Variants in ZNF317 observed in about 807,000 individuals in gnomAD.
ZNF317 encodes zinc finger protein 317.
A neutral mutation model predicts 23.4 loss-of-function variants in ZNF317; 17 were observed. That is an observed-to-expected ratio of 0.73 (90% CI 0.50 to 1.09). The LOEUF (loss-of-function observed/expected upper bound fraction) is 1.09. Ranked by LOEUF, ZNF317 falls within the 50% of genes least tolerant of loss-of-function variation. ZNF317 has a pLI of 0.00. For synonymous variants in ZNF317, 317 were observed against 314.9 expected (o/e 1.01, Z -0.07); for missense variants, 679 against 796.7 (o/e 0.85, Z 1.78).
At chr19:9,141,807 T>G (rs2050632624) in intron 1 of ZNF317, among the ~76,000 whole-genome samples, 1 of 152,158 alleles carries the variant, frequency 6.6e-6, no homozygotes, top group Non-Finnish European at 1.5e-5. Flanking sequence ...TTGTTGTTGT[T>G]GTTGTTTTTT....
At chr19:9,140,651 A>T (rs919921610) in intron 1 of ZNF317, 59 bp downstream of exon 1, 1 of 449,796 alleles carries the variant, frequency 2.2e-6, no homozygotes, top group South Asian at 1.6e-5. Flanking sequence ...CGGGAGGCCT[A>T]TCTGGCGGTG....
intron 1 of ZNF317, among the ~76,000 whole-genome samples, chr19:9,147,341 T>TTTTTTTTTTG (rs2050693679): frequency 9.6e-6 from 1 of 103,790 alleles, no homozygotes; most frequent in African/African-American, 3.5e-5. Context: ...TTTTTTTTTT[T>TTTTTTTTTTG]TTTTTTTTTT....
intron 1 of ZNF317, among the ~76,000 whole-genome samples, chr19:9,142,244 T>C (rs2050638782): frequency 6.6e-6 from 1 of 152,204 alleles, no homozygotes; most frequent in Non-Finnish European, 1.5e-5. Context: ...ACAAGGAAAA[T>C]GTGTACAATT....
Position 9,161,076 on chromosome 19 carries a change from C to A in ZNF317, c.1431C>A (p.Ala477=). 6.2e-7 allele frequency: 1 copy of A among 1,614,174 alleles called. No individual in the cohort carries two copies. Among genetic ancestry groups the A allele is most frequent in the Non-Finnish European group, 8.5e-7 (1 of 1,180,038 alleles). Residue 477 remains alanine (A), a synonymous_variant, in exon 7 of 7, where the codon GCC becomes GCA. Coordinates refer to ENST00000247956, the MANE Select transcript of ZNF317 (RefSeq NM_020933.5). The surrounding 1 kb of genome is among the most constrained non-coding windows in gnomAD (Gnocchi z 4.0). ...IHTQERRYEC[A]ACGKVFGDYL... is the part of the protein sequence containing the mutation. ...CGCAAGAGAGACGCTACGAATGCGC[C>A]GCCTGCGGGAAAGTCTTCGGTGACT... is the stretch of plus-strand genomic sequence containing the variant.
intron 1 of ZNF317, among the ~76,000 whole-genome samples, chr19:9,155,492 G>A (rs761757595): frequency 9.2e-5 from 14 of 152,294 alleles, no homozygotes; most frequent in Middle Eastern, 3.4e-3. Context: ...CCAGGCCATG[G>A]CCCAAGGGTG....
intron 1 of ZNF317, among the ~76,000 whole-genome samples, chr19:9,147,845 C>G (rs543023847): frequency 5.3e-5 from 8 of 152,144 alleles, no homozygotes; most frequent in Non-Finnish European, 1.2e-4. Flanking sequence ...TCCCCCCCTC[C>G]AAATCTCATA....
At chr19:9,142,486 C>T (rs1440409502) in intron 1 of ZNF317, among the ~76,000 whole-genome samples, 1 of 150,084 alleles carries the variant, frequency 6.7e-6, no homozygotes, top group Non-Finnish European at 1.5e-5. Context: ...GTCAAGGAAG[C>T]TCCCCTCTTT....
chr19:9,161,444 T>C lies in ZNF317; in HGVS notation c.*11T>C. 1 of 1,601,216 alleles carries C rather than the reference T, an allele frequency of 6.2e-7. No homozygotes were observed. The highest frequency in any genetic ancestry group is 1.7e-5 in the Admixed American group (1 of 59,378). On this transcript the variant is annotated 3_prime_UTR_variant, in exon 7 of 7. Transcript: ENST00000247956. The surrounding 1 kb of genome is among the most constrained non-coding windows in gnomAD (Gnocchi z 4.0). ...AAAAGGCTCCAGTGAGCGCGCCTGC[T>C]TTAGAGACACAGGATGATTCAGACC...
chr19:9,157,442 TTTTG>T (rs763197634), intron 4 of ZNF317, 48 bp downstream of exon 4: 10 of 1,609,820 alleles, frequency 6.2e-6, no homozygotes, highest in Admixed American at 1.7e-5. Flanking sequence ...AATTAGATGT[TTTTG>T]TTTGAGTATG....
chr19:9,155,222 G>A (rs1469134616), intron 1 of ZNF317, among the ~76,000 whole-genome samples: 1 of 152,058 alleles, frequency 6.6e-6, no homozygotes, highest in Non-Finnish European at 1.5e-5. Flanking sequence ...TTTAGAGACA[G>A]AATCTTACTC....
chr19:9,156,042 G>GT lies in ZNF317; in HGVS notation c.25+2dup, dbSNP rs1457968935. The GT allele has an allele frequency of 1.2e-6, 2 of 1,614,170 alleles. No homozygotes were observed. Among genetic ancestry groups the GT allele is most frequent in the African/African-American group, 1.3e-5 (1 of 75,038 alleles). On this transcript the variant is annotated splice_donor_variant, in intron 2 of 6. Coordinates refer to ENST00000247956, the MANE Select transcript of ZNF317 (RefSeq NM_020933.5). LOFTEE classifies it high-confidence loss of function. Reference sequence around the variant, plus strand: ...ATGGCAGCTCTGTCCCCCACATTTGGTAAGTTCTTGGGTCAGTGCGTGCCC... The same window carrying GT: ...ATGGCAGCTCTGTCCCCCACATTTGGTTAAGTTCTTGGGTCAGTGCGTGCCC...
chr19:9,157,929 G>A (rs1600229737), intron 4 of ZNF317, 51 bp from the exon 5 acceptor site: 1 of 1,539,074 alleles, frequency 6.5e-7, no homozygotes, highest in Non-Finnish European at 8.8e-7. Context: ...ACTGGAAGGG[G>A]TTGTCCTCTG....
Position 9,156,703 on chromosome 19 carries a change from C to T in ZNF317, c.117C>T (p.Phe39=), listed in dbSNP as rs764875500. The T allele has an allele frequency of 4.2e-5, 68 of 1,614,042 alleles. No individual in the cohort carries two copies. The highest frequency in any genetic ancestry group is 3.8e-4 in the Admixed American group (23 of 59,980). The change falls in exon 3 of 7, where the codon TTC becomes TTT. Residue 39 remains phenylalanine, a synonymous_variant. Transcript: ENST00000247956. ...DHSCPQNLDL[F]VCSGLEPHTP... The stretch of plus-strand genomic sequence containing the variant: ...CCTGTCCCCAGAATTTGGACCTGTT[C>T]GTGTGCAGTGGTCTGGAGCCTCACA...
intron 1 of ZNF317, among the ~76,000 whole-genome samples, chr19:9,147,194 G>A (rs900205975): frequency 4.6e-5 from 7 of 152,122 alleles, no homozygotes; most frequent in African/African-American, 1.7e-4. Context: ...AGTAAGATGT[G>A]TAGAAATAGA....
chr19:9,161,588 G>A lies in ZNF317; in HGVS notation c.*155G>A, dbSNP rs200606986. 4.9e-5 allele frequency: 56 copies of A among 1,144,302 alleles called. No individual in the cohort carries two copies. The highest frequency in any genetic ancestry group is 3.9e-4 in the East Asian group (16 of 41,520). 70.9% of individuals were successfully genotyped at this position (1,144,302 alleles called of 1,614,324 possible). ...CCTGTAAAAACTGGGAAGACGAGGC[G>A]TTCTCATCCCATAGGAGGTTTGTGA... On this transcript the variant is annotated 3_prime_UTR_variant, in exon 7 of 7. Coordinates refer to ENST00000247956, the MANE Select transcript of ZNF317 (RefSeq NM_020933.5). This position sits in a 1 kb window ranked among gnomAD's most constrained non-coding sequence, Gnocchi z 4.0.
At chr19:9,150,812 A>G (rs2050729792) in intron 1 of ZNF317, among the ~76,000 whole-genome samples, 1 of 152,224 alleles carries the variant, frequency 6.6e-6, no homozygotes, top group Non-Finnish European at 1.5e-5. Context: ...GGGACAGTAC[A>G]GGTGACATAG....
intron 1 of ZNF317, among the ~76,000 whole-genome samples, chr19:9,150,563 G>C (rs753229820): frequency 3.3e-5 from 5 of 152,128 alleles, no homozygotes; most frequent in Admixed American, 6.5e-5. Context: ...TGTGGGAGAT[G>C]GGGGAGAGGG....
intron 2 of ZNF317, 125 bp from the exon 3 acceptor site, chr19:9,156,487 A>AAG (rs1186163617): frequency 8.9e-6 from 11 of 1,241,670 alleles, no homozygotes; most frequent in Non-Finnish European, 1.1e-5. Flanking sequence ...TGGGGGGAGG[A>AAG]AGAGAGAGAG....
chr19:9,147,460 C>G (rs564641238), intron 1 of ZNF317, among the ~76,000 whole-genome samples: 5 of 151,806 alleles, frequency 3.3e-5, no homozygotes, highest in Non-Finnish European at 5.9e-5. Context: ...CCTGCCTCAG[C>G]CTCCTGAGTA....
Sources: gnomAD v4.1 joint callset for allele counts (sites outside exome capture counted in the v4.1 genomes callset) on GRCh38, gnomAD v4.1.1 for gene constraint, Gnocchi (gnomAD v3.1) non-coding constraint, MANE v1.5 for transcripts, NCBI Gene and HGNC (gene_info 2026-07-23, HGNC 2026-07-21) for gene names.